Variants in LMO7 observed in about 807,000 individuals in gnomAD.
LMO7 encodes LIM domain 7, also known as LIM domain only protein 7.
Under a neutral mutation model 206.5 loss-of-function variants are expected in LMO7, and 120 were observed. That is an observed-to-expected ratio of 0.58 (90% CI 0.50 to 0.68). The LOEUF (loss-of-function observed/expected upper bound fraction) is 0.68. LMO7 is among the 30% of genes least tolerant of loss of function. LMO7 has a pLI of 0.00. For missense variants in LMO7, 1,959 were observed against 1,957.9 expected (o/e 1.00, Z -0.01); for synonymous variants, 706 against 681.5 (o/e 1.04, Z -0.56).
intron 1 of LMO7, among the ~76,000 whole-genome samples, chr13:75,646,395 C>T (rs551093081): frequency 1.3e-4 from 20 of 152,202 alleles, no homozygotes; most frequent in African/African-American, 4.3e-4. Context: ...TCCGACTCTG[C>T]GCCCTCCTCC....
intron 2 of LMO7, among the ~76,000 whole-genome samples, chr13:75,626,576 A>ATATTTTTTTT (rs1566249065): frequency 4.7e-5 from 3 of 64,426 alleles, no homozygotes; most frequent in Non-Finnish European, 7.0e-5. Flanking sequence ...TAACATATAT[A>ATATTTTTTTT]TTATATATAT....
At position 75,794,025 on chromosome 13, in the gene LMO7, T is replaced by C. The variant is rs200876340; in HGVS notation, c.318-1376T>C. The stretch of plus-strand genomic sequence containing the variant: ...TTTTCATTGCCATATGATATTTCAT[T>C]ACGTGGATATGCCATAATTTATCCA... On this transcript the variant is annotated intron_variant, in intron 4 of 30. Coordinates refer to ENST00000377534, the MANE Select transcript of LMO7 (RefSeq NM_001306080.2). Among the ~76,000 whole-genome samples, 8 of 152,372 alleles carry C rather than the reference T, an allele frequency of 5.3e-5. No homozygotes were observed. The East Asian group carries it at 1.5e-3, about 29-fold the overall frequency.
Position 75,841,815 on chromosome 13 carries a change from A to G in LMO7, c.3863A>G (p.Asp1288Gly), listed in dbSNP as rs1268329201. 6.2e-7 allele frequency: 1 copy of G among 1,614,132 alleles called. No homozygotes were observed. The highest frequency in any genetic ancestry group is 8.5e-7 in the Non-Finnish European group (1 of 1,180,014). Residue 1288 changes from aspartate (D) to glycine (G), a missense_variant, in exon 24 of 31, where the codon GAT becomes GGT. Coordinates refer to ENST00000377534, the MANE Select transcript of LMO7 (RefSeq NM_001306080.2). The part of the protein sequence containing the change: ...VHEDQGKKPQ[D>G]QLVIERERKW... ...GAGGACCAAGGAAAGAAGCCGCAGGATCAGCTTGTTATTGAGAGAGAGAGG... is the reference window on the plus strand; with the variant it reads ...GAGGACCAAGGAAAGAAGCCGCAGGGTCAGCTTGTTATTGAGAGAGAGAGG...
chr13:75,719,186 G>C (rs373843333), intron 2 of LMO7, among the ~76,000 whole-genome samples: 5 of 151,982 alleles, frequency 3.3e-5, no homozygotes, highest in East Asian at 1.9e-4. Context: ...CACCATGTTG[G>C]CCAGGCTGGT....
Position 75,856,604 on chromosome 13 carries a change from C to G in LMO7, c.4869C>G (p.Phe1623Leu). ...ACTGCAACGACTGCTATCTCAGATT[C>G]AAATGTAAGAGAGCAAATCAGAGAG... ...QLYCNDCYLR[F>L]KSGRPTAM Residue 1623 changes from phenylalanine to leucine, a missense_variant, in exon 30 of 31, where the codon TTC becomes TTG. Physicochemically the swap from Phe to Leu is conservative, Grantham distance 22. Transcript: ENST00000377534. The G allele has an allele frequency of 1.9e-6, 3 of 1,584,364 alleles. No individual in the cohort carries two copies. The highest frequency in any genetic ancestry group is 1.7e-6 in the Non-Finnish European group (2 of 1,153,100).
chr13:75,626,141 T>G (rs188047425), intron 2 of LMO7, among the ~76,000 whole-genome samples: 11 of 152,354 alleles, frequency 7.2e-5, no homozygotes, highest in Admixed American at 3.9e-4. Context: ...TCCTGTACTC[T>G]TTAATCCTTT....
chr13:75,689,175 G>A (rs1198825890), intron 1 of LMO7: 2 of 152,102 alleles, frequency 1.3e-5, no homozygotes, highest in Non-Finnish European at 2.9e-5. Flanking sequence ...ATTTAGGTCA[G>A]GAATAAGCAG....
chr13:75,856,734 A>ATTGTAGTG, intron 30 of LMO7, 126 bp downstream of exon 30: 1 of 660,538 alleles, frequency 1.5e-6, no homozygotes, highest in East Asian at 2.7e-5. Flanking sequence ...GGTTTCAAGA[A>ATTGTAGTG]TTGTAGTGTG....
intron 1 of LMO7, among the ~76,000 whole-genome samples, chr13:75,644,939 C>T (rs967301416): frequency 1.3e-5 from 2 of 152,184 alleles, no homozygotes; most frequent in Non-Finnish European, 2.9e-5. Flanking sequence ...GCCAGATGGA[C>T]ACTGTTGAGC....
At chr13:75,837,927 TATTC>T (rs1242888186) in intron 19 of LMO7, among the ~76,000 whole-genome samples, 5 of 152,318 alleles carry the variant, frequency 3.3e-5, no homozygotes, top group Non-Finnish European at 5.9e-5. Context: ...TTAATAAAAA[TATTC>T]ATTCCTTCTA....
chr13:75,757,777 G>A (rs2047790632), intron 3 of LMO7, among the ~76,000 whole-genome samples: 1 of 149,704 alleles, frequency 6.7e-6, no homozygotes, highest in Non-Finnish European at 1.5e-5. Flanking sequence ...GATACATTTA[G>A]GGCTCATTGT....
intron 1 of LMO7, among the ~76,000 whole-genome samples, chr13:75,640,998 C>T: frequency 6.6e-6 from 1 of 152,230 alleles, no homozygotes; most frequent in East Asian, 1.9e-4. Flanking sequence ...AAAATACCTA[C>T]TATGTGCCTA....
chr13:75,737,863 A>C (rs1378673104), intron 3 of LMO7, among the ~76,000 whole-genome samples: 2 of 147,310 alleles, frequency 1.4e-5, no homozygotes, highest in African/African-American at 2.5e-5. Flanking sequence ...AAAAAAAAAA[A>C]ACACAGTACA....
intron 1 of LMO7, among the ~76,000 whole-genome samples, chr13:75,646,863 G>T (rs1045893289): frequency 5.9e-5 from 9 of 152,202 alleles, no homozygotes; most frequent in African/African-American, 2.2e-4. Flanking sequence ...GGGATTACAG[G>T]TGTGAGCCAC....
At position 75,626,595 on chromosome 13, in the gene LMO7, A is replaced by ATTTTTTTTTTTTTTTTTT. The variant is rs1240937141; in HGVS notation, c.225+3282_225+3283insTTTTTTTTTTTTTTTTTT. Reference sequence around the variant, plus strand: ...ATATATATTATATATATATATATAAATTTTTTTGAGACAGGGTCTCACTCT... The same window carrying ATTTTTTTTTTTTTTTTTT: ...ATATATATTATATATATATATATAAATTTTTTTTTTTTTTTTTTTTTTTTTGAGACAGGGTCTCACTCT... On this transcript the variant is annotated intron_variant, in intron 2 of 29. Transcript: ENST00000341547. Among the ~76,000 whole-genome samples the ATTTTTTTTTTTTTTTTTT allele has an allele frequency of 6.2e-3, 443 of 71,082 alleles. 36 individuals carry two copies. Among genetic ancestry groups the ATTTTTTTTTTTTTTTTTT allele is most frequent in the Middle Eastern group, 0.029 (4 of 136 alleles). 46.6% of individuals were successfully genotyped at this position (71,082 alleles called of 152,430 possible).
chr13:75,746,676 G>C (rs974133967), intron 3 of LMO7, among the ~76,000 whole-genome samples: 8 of 151,678 alleles, frequency 5.3e-5, no homozygotes, highest in Non-Finnish European at 8.8e-5. Context: ...TGGCTTCCTT[G>C]GTCTCTTGTC....
chr13:75,738,655 G>A (rs187851251), intron 3 of LMO7, among the ~76,000 whole-genome samples: 296 of 152,236 alleles, frequency 1.9e-3, no homozygotes, highest in Non-Finnish European at 3.7e-3. Flanking sequence ...GTTGTTAAAT[G>A]TGGGTATGTT....
Position 75,636,333 on chromosome 13 carries a change from C to T in LMO7, c.-325C>T. ...GGCGCTGCGACTTTTGAAGTCCAAACTGTCGTCGGGGCTGGTGCCGCGCGC... is the reference window on the plus strand; with the variant it reads ...GGCGCTGCGACTTTTGAAGTCCAAATTGTCGTCGGGGCTGGTGCCGCGCGC... On this transcript the variant is annotated 5_prime_UTR_variant, in exon 1 of 31. Transcript: ENST00000377534. 1 of 1,161,372 alleles carries T rather than the reference C, an allele frequency of 8.6e-7. No homozygotes were observed. Among genetic ancestry groups the T allele is most frequent in the Non-Finnish European group, 1.1e-6 (1 of 940,352 alleles). The allele number at this position is 1,161,372 out of a possible 1,614,324, so 71.9% of individuals were successfully genotyped here.
At chr13:75,770,178 A>AT (rs35265420) in intron 4 of LMO7, among the ~76,000 whole-genome samples, 129,097 of 146,508 alleles carry the variant, frequency 0.88, 56,151 homozygotes, top group East Asian at 0.94. Flanking sequence ...TTGGTGATGA[A>AT]TTTTTTTTTT....
Sources: gnomAD v4.1 joint callset for allele counts (sites outside exome capture counted in the v4.1 genomes callset) on GRCh38, gnomAD v4.1.1 for gene constraint, MANE v1.5 for transcripts, NCBI Gene and HGNC (gene_info 2026-07-23, HGNC 2026-07-21) for gene names.